Variants in ANKFY1 observed in about 807,000 individuals in gnomAD.
ANKFY1 encodes ankyrin repeat and FYVE domain containing 1.
ANKFY1 carries 47 observed loss-of-function variants against 128.3 expected under a neutral mutation model. The ratio of observed to expected loss-of-function variants is 0.37; its 90% CI spans 0.29 to 0.47. The LOEUF is 0.47. Among genes scored for constraint, ANKFY1 ranks in the 20% least tolerant of loss-of-function variants. The pLI is 1.00. For synonymous variants in ANKFY1, 553 were observed against 601.6 expected, an observed-to-expected ratio of 0.92 and a Z score of 1.18; for missense variants, 1,222 against 1,510.6, an observed-to-expected ratio of 0.81 and a Z score of 3.17.
intron 1 of ANKFY1, among the ~76,000 whole-genome samples, chr17:4,254,259 G>T (rs888548247): frequency 7.6e-6 from 1 of 131,508 alleles, no homozygotes; most frequent in Non-Finnish European, 1.5e-5. Context: ...AGCCAAGATC[G>T]CACCACTGCA....
At chr17:4,240,684 G>A (rs562707986) in intron 2 of ANKFY1, among the ~76,000 whole-genome samples, 3 of 152,308 alleles carry the variant, frequency 2.0e-5, no homozygotes, top group East Asian at 3.9e-4. Flanking sequence ...GCGCCACTGC[G>A]CCCAGGCACA....
chr17:4,196,603 G>A (rs1369929568), intron 8 of ANKFY1, among the ~76,000 whole-genome samples: 1 of 152,184 alleles, frequency 6.6e-6, no homozygotes, highest in African/African-American at 2.4e-5. Flanking sequence ...ATATGCAAAG[G>A]GCCGTGCTAT....
At chr17:4,246,134 G>T (rs1967529437) in intron 1 of ANKFY1, among the ~76,000 whole-genome samples, 1 of 152,188 alleles carries the variant, frequency 6.6e-6, no homozygotes, top group Admixed American at 6.5e-5. Context: ...AGTAAACCCT[G>T]AGAGCACTCT....
rs764627604 is a variant in ANKFY1 at position 4,179,784 on chromosome 17, G to A, written c.2334C>T (p.Ala778=). The A allele has an allele frequency of 5.1e-5, 82 of 1,614,110 alleles. No homozygotes were observed. The highest frequency in any genetic ancestry group is 6.9e-5 in the Non-Finnish European group (81 of 1,180,054). The part of the protein sequence containing the change: ...RDGQTPLHLA[A]SWGLEETVQC... ...GTACTGTCTCTTCCAGCCCCCAAGA[G>A]GCTGCCAAATGCAAAGGGGTCTGCC... The change falls in exon 17 of 25, where the codon GCC becomes GCT. Residue 778 remains alanine, a synonymous_variant. Transcript: ENST00000341657.
At chr17:4,262,086 G>T (rs545557138) in intron 1 of ANKFY1, among the ~76,000 whole-genome samples, 1 of 152,362 alleles carries the variant, frequency 6.6e-6, no homozygotes, top group South Asian at 2.1e-4. Context: ...AGCACTTAGA[G>T]AGGCCAAAGC....
intron 7 of ANKFY1, among the ~76,000 whole-genome samples, chr17:4,202,696 CAAAAA>C (rs60561665): frequency 6.7e-5 from 5 of 74,698 alleles, no homozygotes; most frequent in East Asian, 5.1e-4. Flanking sequence ...AACTCCGTCT[CAAAAA>C]AAAAAAAAAA....
At chr17:4,189,690 C>CACCA (rs1162243177) in intron 10 of ANKFY1, among the ~76,000 whole-genome samples, 44 of 137,188 alleles carry the variant, frequency 3.2e-4, no homozygotes, top group South Asian at 4.4e-4. Flanking sequence ...AGTAGGCCCA[C>CACCA]GCCAGACAGT....
At position 4,195,410 on chromosome 17, in the gene ANKFY1, A is replaced by G; in HGVS notation, c.1165T>C (p.Cys389Arg). 1 of 1,614,034 alleles carries G rather than the reference A, an allele frequency of 6.2e-7. No homozygotes were observed. Among genetic ancestry groups the G allele is most frequent in the Non-Finnish European group, 8.5e-7 (1 of 1,179,994 alleles). Residue 389 changes from cysteine to arginine, a missense_variant, in exon 9 of 25, where the codon TGC becomes CGC. By Grantham distance (180) the Cys-to-Arg change is radical. Transcript: ENST00000341657. ...GCGTGTCTCCCTACGTACTGTTTGC[A>G]CTGCAGCAGCTGACTGAACACATAT... is the stretch of plus-strand genomic sequence containing the variant. ...NEYVFSQLLQ[C>R]KQLDLELKDH...
chr17:4,242,547 C>G lies in ANKFY1; in HGVS notation c.11-99G>C, dbSNP rs1221494920. 1.1e-5 allele frequency: 12 copies of G among 1,068,728 alleles called. No homozygotes were observed. The East Asian group carries it at 2.8e-4, about 25-fold the overall frequency. 66.2% of individuals were successfully genotyped at this position (1,068,728 alleles called of 1,614,324 possible). ...ATAGACAGGAAAGCTCCCAAAGTGA[C>G]TGGCCACTTGACCGTTCCACTCTTT... On this transcript the variant is annotated intron_variant, in intron 1 of 24. Coordinates refer to ENST00000341657, the MANE Select transcript of ANKFY1 (RefSeq NM_001330063.2).
At chr17:4,193,575 C>T (rs557104558) in intron 10 of ANKFY1, among the ~76,000 whole-genome samples, 4 of 150,968 alleles carry the variant, frequency 2.6e-5, no homozygotes, top group African/African-American at 9.8e-5. Flanking sequence ...TTACAGGCAT[C>T]GCCATCACGC....
chr17:4,188,514 G>T (rs866623940), intron 11 of ANKFY1: 1 of 152,144 alleles, frequency 6.6e-6, no homozygotes, highest in Non-Finnish European at 1.5e-5. Context: ...TGTGGGAAAG[G>T]CTTCTTCAAT....
chr17:4,238,310 T>C (rs1432772695), intron 2 of ANKFY1, among the ~76,000 whole-genome samples: 1 of 152,112 alleles, frequency 6.6e-6, no homozygotes, highest in Non-Finnish European at 1.5e-5. Context: ...GATAAAGGTA[T>C]TTTTTCCCCT....
intron 15 of ANKFY1, 123 bp downstream of exon 15, chr17:4,182,058 G>T: frequency 9.7e-7 from 1 of 1,026,520 alleles, no homozygotes; most frequent in Non-Finnish European, 1.3e-6. Flanking sequence ...TCAACTGCTT[G>T]TCCTTGTCCC....
rs116332414 is a variant in ANKFY1, at chr17:4,175,877, C to A, written c.2775+1249G>T. ...CAATTCAGAGGAAGGAGCACACGGA[C>A]ACTGGAAGACCCGCTGTTTCTAGTG... is the stretch of plus-strand genomic sequence containing the variant. On this transcript the variant is annotated intron_variant, in intron 19 of 24. Transcript: ENST00000341657. 7.2e-3 allele frequency among the ~76,000 whole-genome samples: 1,099 copies of A among 152,260 alleles called. 15 individuals carry two copies. The highest frequency in any genetic ancestry group is 0.025 in the African/African-American group (1,048 of 41,542).
chr17:4,211,841 G>A (rs1401313582), intron 4 of ANKFY1, among the ~76,000 whole-genome samples: 4 of 151,654 alleles, frequency 2.6e-5, no homozygotes, highest in South Asian at 2.1e-4. Context: ...AACCGTGATC[G>A]CACCACTGTA....
At chr17:4,210,345 T>A (rs919396638) in intron 4 of ANKFY1, among the ~76,000 whole-genome samples, 4 of 152,224 alleles carry the variant, frequency 2.6e-5, no homozygotes, top group Non-Finnish European at 4.4e-5. Flanking sequence ...CACAACTGCA[T>A]GATGCAAACA....
rs2059448955 is a variant in ANKFY1, at chr17:4,178,437, C to T, written c.2598+420G>A. ...TCCCGATGTAGCAGCTGGTAAAGAACCACAAAGAACAAGGACAGCCGAGGC... is the reference window on the plus strand; with the variant it reads ...TCCCGATGTAGCAGCTGGTAAAGAATCACAAAGAACAAGGACAGCCGAGGC... On this transcript the variant is annotated intron_variant, in intron 18 of 24. Coordinates refer to ENST00000341657, the MANE Select transcript of ANKFY1 (RefSeq NM_001330063.2). This position sits in a 1 kb window ranked among gnomAD's most constrained non-coding sequence, Gnocchi z 4.1. 4 of 205,424 alleles carry T rather than the reference C, an allele frequency of 1.9e-5. No individual in the cohort carries two copies. The South Asian group carries it at 3.6e-4, about 19-fold the overall frequency. The allele number at this position is 205,424 out of a possible 1,614,324, so 12.7% of individuals were successfully genotyped here. A position where few individuals can be genotyped will look rare whatever the true frequency, so the allele number is the denominator to read the frequency against.
chr17:4,211,920 A>C (rs1246584202), intron 4 of ANKFY1, among the ~76,000 whole-genome samples: 2 of 16,868 alleles, frequency 1.2e-4, no homozygotes, highest in Non-Finnish European at 9.5e-3. Flanking sequence ...ACAAACAAAC[A>C]AACAAAAAAC....
chr17:4,165,848 TG>T lies in ANKFY1; in HGVS notation c.*1930del, dbSNP rs1006692305. 5.0e-4 allele frequency: 76 copies of T among 152,366 alleles called. 1 individual carries two copies. The highest frequency in any genetic ancestry group is 1.6e-3 in the African/African-American group (68 of 41,588). The allele number at this position is 152,366 out of a possible 1,614,324, so 9.4% of individuals were successfully genotyped here. A position where few individuals can be genotyped will look rare whatever the true frequency, so the allele number is the denominator to read the frequency against. ...ATTCCTTTTAAAGAACAGGTATCCA[TG>T]TACCAACCACTTCAATTCATATCCG... On this transcript the variant is annotated 3_prime_UTR_variant, in exon 25 of 25. Transcript: ENST00000341657.
Sources: allele counts gnomAD v4.1 joint callset (sites outside exome capture counted in the v4.1 genomes callset), GRCh38; gene constraint gnomAD v4.1.1; non-coding constraint Gnocchi (gnomAD v3.1); transcripts MANE v1.5; gene names NCBI Gene and HGNC (gene_info 2026-07-23, HGNC 2026-07-21).